GRIK1: variants seen among roughly 807,000 people sequenced by gnomAD.
The protein encoded by GRIK1 is glutamate ionotropic receptor kainate type subunit 1, also known as glutamate receptor ionotropic, kainate 1.
A neutral mutation model predicts 105.7 loss-of-function variants in GRIK1; 69 were observed. The ratio of observed to expected loss-of-function variants is 0.65; its 90% CI spans 0.54 to 0.80. GRIK1 has a LOEUF of 0.80. GRIK1 is among the 30% of genes least tolerant of loss of function. GRIK1 has a pLI of 0.00. For missense variants in GRIK1, 1,109 were observed against 1,167.3 expected, an observed-to-expected ratio of 0.95 and a Z score of 0.73; for synonymous variants, 438 against 431.3, an observed-to-expected ratio of 1.02 and a Z score of -0.19.
intron 1 of GRIK1, among the ~76,000 whole-genome samples, chr21:29,838,264 T>G (rs920273661): frequency 3.9e-5 from 6 of 152,254 alleles, no homozygotes; most frequent in Non-Finnish European, 7.4e-5. Flanking sequence ...AACTGGGGGC[T>G]GCAGAAACTG....
At chr21:29,648,426 T>A (rs1390323744) in intron 6 of GRIK1, among the ~76,000 whole-genome samples, 1 of 152,232 alleles carries the variant, frequency 6.6e-6, no homozygotes, top group Non-Finnish European at 1.5e-5. Flanking sequence ...TTATAGGAAC[T>A]CTCTGCACTT....
At chr21:29,683,467 C>T (rs895817682) in intron 3 of GRIK1, among the ~76,000 whole-genome samples, 14 of 152,194 alleles carry the variant, frequency 9.2e-5, no homozygotes, top group African/African-American at 2.9e-4. Context: ...AGCTCATGTC[C>T]TTTGCAGCAA....
rs144404341 is a variant in GRIK1, at chr21:29,778,422, G to A, written c.119-84359C>T. On this transcript the variant is annotated intron_variant, in intron 1 of 17. Transcript: ENST00000327783. ...GCAAGATTCTAGCGCAGTTCCTTGCGGCGACTCAGTGCTTCCTAAGAGCAG... is the reference window on the plus strand; with the variant it reads ...GCAAGATTCTAGCGCAGTTCCTTGCAGCGACTCAGTGCTTCCTAAGAGCAG... Among the ~76,000 whole-genome samples, 13 of 152,290 alleles carry A rather than the reference G, an allele frequency of 8.5e-5. No individual in the cohort carries two copies. The East Asian group carries it at 1.5e-3, about 18-fold the overall frequency.
At chr21:29,553,424 T>C in intron 16 of GRIK1, 1 of 1,382,282 alleles carries the variant, frequency 7.2e-7, no homozygotes, top group Non-Finnish European at 9.3e-7. Flanking sequence ...ATGTCTAGAA[T>C]ACATGAGTTT....
intron 1 of GRIK1, among the ~76,000 whole-genome samples, chr21:29,888,290 G>GTTTC (rs1308601395): frequency 7.3e-6 from 1 of 137,352 alleles, no homozygotes; most frequent in African/African-American, 2.8e-5. Flanking sequence ...TTGAGACAGA[G>GTTTC]TTTCTCCTCT....
At chr21:29,605,789 A>T (rs2061602360) in intron 7 of GRIK1, among the ~76,000 whole-genome samples, 1 of 152,182 alleles carries the variant, frequency 6.6e-6, no homozygotes, top group African/African-American at 2.4e-5. Flanking sequence ...ATTTTCCTTG[A>T]CATAGCCATT....
intron 1 of GRIK1, among the ~76,000 whole-genome samples, chr21:29,739,169 A>G (rs931483894): frequency 6.6e-6 from 1 of 152,210 alleles, no homozygotes; most frequent in Admixed American, 6.5e-5. Flanking sequence ...TTACAAATAA[A>G]GCGGAATGAG....
chr21:29,641,035 C>T (rs914249943), intron 7 of GRIK1, among the ~76,000 whole-genome samples: 4 of 152,158 alleles, frequency 2.6e-5, no homozygotes, highest in African/African-American at 9.7e-5. Context: ...AATAGTATTT[C>T]AGATGCTTAC....
rs1318245698 is a variant in GRIK1 at position 29,834,444 on chromosome 21, A to ACTG, written c.118+104938_118+104939insCAG. Among the ~76,000 whole-genome samples the ACTG allele has an allele frequency of 6.6e-5, 10 of 151,270 alleles. No individual in the cohort carries two copies. The South Asian group carries it at 2.1e-3, about 31-fold the overall frequency. ...ATTACCACTACTAACCATCAGTGAA[A>ACTG]ATATACTAGAGAAACTGATGGATCT... On this transcript the variant is annotated intron_variant, in intron 1 of 17. Transcript: ENST00000327783.
At position 29,577,075 on chromosome 21, in the gene GRIK1, G is replaced by T; in HGVS notation, c.2019C>A (p.Phe673Leu). Residue 673 changes from phenylalanine (F) to leucine (L), a missense_variant, in exon 14 of 18, where the codon TTC becomes TTA. Physicochemically the swap from Phe to Leu is conservative, Grantham distance 22 (BLOSUM62 0). Transcript: ENST00000327783. ...GGGATTCCATTCTCTCTACTGTCAAGAAGGCAGCCAGATTGGCCGTGTAGG... is the reference window on the plus strand; with the variant it reads ...GGGATTCCATTCTCTCTACTGTCAATAAGGCAGCCAGATTGGCCGTGTAGG... ...ISSYTANLAAFLTVERMESPI... is the reference protein window; with the variant it reads ...ISSYTANLAALLTVERMESPI... 1 of 1,612,818 alleles carries T rather than the reference G, an allele frequency of 6.2e-7. No homozygotes were observed. The highest frequency in any genetic ancestry group is 1.1e-5 in the South Asian group (1 of 91,040).
chr21:29,618,853 T>C (rs1601286986), intron 7 of GRIK1, among the ~76,000 whole-genome samples: 1 of 151,900 alleles, frequency 6.6e-6, no homozygotes, highest in Non-Finnish European at 1.5e-5. Context: ...AGGGGCCGGG[T>C]GCGGTGGCTC....
intron 10 of GRIK1, among the ~76,000 whole-genome samples, chr21:29,589,425 T>A (rs77036089): frequency 1.1e-5 from 1 of 89,338 alleles, no homozygotes; most frequent in Admixed American, 1.4e-4. Flanking sequence ...CCCTTCTGGC[T>A]TTTTTTTTTT....
intron 1 of GRIK1, among the ~76,000 whole-genome samples, chr21:29,775,841 C>T (rs1012818030): frequency 2.6e-5 from 4 of 152,216 alleles, no homozygotes; most frequent in African/African-American, 7.2e-5. Context: ...TTTAAAGGCG[C>T]TAAACCTCCC....
chr21:29,608,066 A>G (rs538551861), intron 7 of GRIK1, among the ~76,000 whole-genome samples: 1 of 152,264 alleles, frequency 6.6e-6, no homozygotes, highest in African/African-American at 2.4e-5. Context: ...CATGATGATT[A>G]CCATTAGTGT....
intron 1 of GRIK1, among the ~76,000 whole-genome samples, chr21:29,712,849 A>G (rs1439533397): frequency 6.6e-6 from 1 of 151,738 alleles, no homozygotes; most frequent in Non-Finnish European, 1.5e-5. Context: ...ACACTTTTAT[A>G]GTTTTATGTA....
At chr21:29,867,819 TGAAAGAAA>T (rs1229314777) in intron 1 of GRIK1, among the ~76,000 whole-genome samples, 19 of 45,970 alleles carry the variant, frequency 4.1e-4, no homozygotes, top group African/African-American at 1.6e-3. Flanking sequence ...AAAGAAAGAA[TGAAAGAAA>T]GAAAGAAAGA....
intron 16 of GRIK1, among the ~76,000 whole-genome samples, chr21:29,546,759 G>A (rs114856729): frequency 0.024 from 3,636 of 152,258 alleles, 133 homozygotes; most frequent in African/African-American, 0.082. Context: ...TCTGGATCTT[G>A]CAATTAAAAA....
chr21:29,927,219 C>T (rs2071399945), intron 1 of GRIK1, among the ~76,000 whole-genome samples: 1 of 151,590 alleles, frequency 6.6e-6, no homozygotes, highest in East Asian at 1.9e-4. Flanking sequence ...GAGAAAAATG[C>T]AAATTGGAAT....
intron 7 of GRIK1, among the ~76,000 whole-genome samples, chr21:29,610,689 G>A (rs949256587): frequency 4.6e-5 from 7 of 152,102 alleles, no homozygotes; most frequent in African/African-American, 1.7e-4. Context: ...GACTGCCAAA[G>A]CAGTAGGAGA....
Sources: gnomAD v4.1 joint callset for allele counts (sites outside exome capture counted in the v4.1 genomes callset) on GRCh38, gnomAD v4.1.1 for gene constraint, MANE v1.5 for transcripts, NCBI Gene and HGNC (gene_info 2026-07-23, HGNC 2026-07-21) for gene names.